CDH9: variants seen among roughly 807,000 people sequenced by gnomAD.
CDH9 encodes the protein cadherin 9, also known as cadherin-9.
CDH9 carries 28 observed loss-of-function variants against 70.9 expected under a neutral mutation model. The observed-to-expected ratio is 0.40, with a 90% CI of 0.29 to 0.54. The LOEUF (loss-of-function observed/expected upper bound fraction) is 0.54. Ranked by LOEUF, CDH9 falls within the 20% of genes least tolerant of loss-of-function variation. CDH9 has a pLI of 0.59. For missense variants in CDH9, 874 were observed against 984.4 expected (o/e 0.89, Z 1.50); for synonymous variants, 409 against 343.1 (o/e 1.19, Z -2.12).
chr5:27,029,306 T>A (rs1017742261), intron 1 of CDH9, among the ~76,000 whole-genome samples: 3 of 152,062 alleles, frequency 2.0e-5, no homozygotes, highest in South Asian at 2.1e-4. Context: ...TAGGATATGA[T>A]CTATAAAATA....
intron 6 of CDH9, chr5:26,903,387 T>C (rs1038175066): frequency 1.7e-5 from 10 of 588,848 alleles, no homozygotes; most frequent in East Asian, 1.6e-4. Flanking sequence ...ACAAAACAAG[T>C]ACCTTGAAGT....
At chr5:26,989,761 G>A (rs1372634383) in intron 1 of CDH9, among the ~76,000 whole-genome samples, 1 of 151,998 alleles carries the variant, frequency 6.6e-6, no homozygotes, top group Non-Finnish European at 1.5e-5. Flanking sequence ...TTCAGTAATG[G>A]GAATAACAAG....
At chr5:26,991,667 A>C (rs1254151923) in intron 1 of CDH9, among the ~76,000 whole-genome samples, 3 of 152,186 alleles carry the variant, frequency 2.0e-5, no homozygotes, top group South Asian at 2.1e-4. Context: ...TCTAATTCAC[A>C]TATGTAGATA....
At chr5:26,902,069 T>A (rs968102413) in intron 7 of CDH9, among the ~76,000 whole-genome samples, 1 of 151,840 alleles carries the variant, frequency 6.6e-6, no homozygotes, top group African/African-American at 2.4e-5. Context: ...AGAGGGACAA[T>A]GAGACAAGGA....
chr5:26,954,324 T>G (rs1741901583), intron 2 of CDH9, among the ~76,000 whole-genome samples: 1 of 151,704 alleles, frequency 6.6e-6, no homozygotes, highest in Admixed American at 6.6e-5. Flanking sequence ...GATTGTCAAT[T>G]TTAATATTAA....
chr5:27,004,831 T>C (rs1742832565), intron 1 of CDH9, among the ~76,000 whole-genome samples: 1 of 152,168 alleles, frequency 6.6e-6, no homozygotes, highest in Admixed American at 6.6e-5. Context: ...AACATGCATT[T>C]GGATAATGGA....
At chr5:26,904,077 T>C (rs556074955) in intron 5 of CDH9, among the ~76,000 whole-genome samples, 1 of 151,952 alleles carries the variant, frequency 6.6e-6, no homozygotes, top group Non-Finnish European at 1.5e-5. Flanking sequence ...ATTTAGACTA[T>C]AGATGGTAGG....
In CDH9 at chr5:26,977,301, A is replaced by C. The variant is rs1742317211; in HGVS notation, c.228+10805T>G. Among the ~76,000 whole-genome samples the C allele has an allele frequency of 2.0e-5, 3 of 151,958 alleles. 1 individual carries two copies. In the South Asian group the frequency reaches 6.2e-4, roughly 31 times the overall value. ...CTTTGAAAGTCACAGTGATCTTCTA[A>C]AGGAGGACTACAGTTGGGGAGCTTA... is the stretch of plus-strand genomic sequence containing the variant. On this transcript the variant is annotated intron_variant, in intron 2 of 11. Transcript: ENST00000231021.
chr5:26,908,837 A>G (rs1252945243), intron 3 of CDH9, among the ~76,000 whole-genome samples: 1 of 152,194 alleles, frequency 6.6e-6, no homozygotes, highest in African/African-American at 2.4e-5. Flanking sequence ...CTGACAAAAT[A>G]TCATTGATAT....
chr5:26,881,034 T>G lies in CDH9; in HGVS notation c.*102A>C. 1 of 1,136,972 alleles carries G rather than the reference T, an allele frequency of 8.8e-7. No homozygotes were observed. The highest frequency in any genetic ancestry group is 1.2e-6 in the Non-Finnish European group (1 of 800,478). The allele number at this position is 1,136,972 out of a possible 1,614,324, so 70.4% of individuals were successfully genotyped here. ...ACAACATCTACGTATTGTTTGTAAC[T>G]TCAATTTTTGAAAGATTTCCTCCCA... On this transcript the variant is annotated 3_prime_UTR_variant, in exon 12 of 12. Coordinates refer to ENST00000231021, the MANE Select transcript of CDH9 (RefSeq NM_016279.4).
In CDH9 at chr5:26,903,734, G is replaced by C; in HGVS notation, c.902C>G (p.Ala301Gly). 1 of 1,606,050 alleles carries C rather than the reference G, an allele frequency of 6.2e-7. No homozygotes were observed. Among genetic ancestry groups the C allele is most frequent in the Non-Finnish European group, 8.5e-7 (1 of 1,174,480 alleles). Residue 301 changes from alanine to glycine, a missense_variant, in exon 6 of 12, where the codon GCA becomes GGA. Ala to Gly is a moderately conservative substitution (Grantham distance 60). Coordinates refer to ENST00000231021, the MANE Select transcript of CDH9 (RefSeq NM_016279.4). ...KANDPDVGEN[A>G]EMEYSIAEGD... ...TTCAGCAATGCTATACTCCATTTCTGCATTTTCCCCCACGTCAGGGTCATT... is the reference window on the plus strand; with the variant it reads ...TTCAGCAATGCTATACTCCATTTCTCCATTTTCCCCCACGTCAGGGTCATT...
chr5:26,883,041 TTATATATATATATATATATATATA>T lies in CDH9; in HGVS notation c.1883-1442_1883-1419del, dbSNP rs59145200. ...AAGCTGAGCTATATTCAGGATCATCTTATATATATATATATATATATATATATATATATATATATATATATATAT... is the reference window on the plus strand; with the variant it reads ...AAGCTGAGCTATATTCAGGATCATCTTATATATATATATATATATATATAT... On this transcript the variant is annotated intron_variant, in intron 11 of 11. Coordinates refer to ENST00000231021, the MANE Select transcript of CDH9 (RefSeq NM_016279.4). Among the ~76,000 whole-genome samples, 183 of 58,028 alleles carry T rather than the reference TTATATATATATATATATATATATA, an allele frequency of 3.2e-3. 11 individuals carry two copies. The highest frequency in any genetic ancestry group is 0.01 in the African/African-American group (158 of 15,242). 38.1% of individuals were successfully genotyped at this position (58,028 alleles called of 152,430 possible).
intron 2 of CDH9, among the ~76,000 whole-genome samples, chr5:26,932,419 CA>C (rs1405579802): frequency 8.1e-6 from 1 of 124,078 alleles, no homozygotes; most frequent in Non-Finnish European, 1.7e-5. Context: ...GAAAAAAAAA[CA>C]AAATATTTGT....
chr5:27,010,136 A>G (rs1309955930), intron 1 of CDH9, among the ~76,000 whole-genome samples: 14 of 152,110 alleles, frequency 9.2e-5, no homozygotes, highest in Admixed American at 9.2e-4. Context: ...ATTGTTAACT[A>G]TAAGGACAAT....
intron 7 of CDH9, among the ~76,000 whole-genome samples, chr5:26,902,048 G>T (rs1335241555): frequency 6.6e-6 from 1 of 151,662 alleles, no homozygotes; most frequent in Non-Finnish European, 1.5e-5. Flanking sequence ...ATTTGAACTT[G>T]TATTTAACCA....
chr5:26,995,837 A>T (rs544106179), intron 1 of CDH9, among the ~76,000 whole-genome samples: 1 of 152,192 alleles, frequency 6.6e-6, no homozygotes, highest in African/African-American at 2.4e-5. Flanking sequence ...GATGTACTAT[A>T]AAGTACAATG....
chr5:26,919,199 G>A (rs1386708597), intron 2 of CDH9, among the ~76,000 whole-genome samples: 1 of 152,124 alleles, frequency 6.6e-6, no homozygotes, highest in Non-Finnish European at 1.5e-5. Flanking sequence ...GAATTGGCTG[G>A]ACCACTCTTC....
At chr5:26,909,526 C>A (rs1741010740) in intron 3 of CDH9, among the ~76,000 whole-genome samples, 1 of 148,578 alleles carries the variant, frequency 6.7e-6, no homozygotes, top group African/African-American at 2.5e-5. Flanking sequence ...ATTTTGAGAC[C>A]ATTTTTTTTC....
At chr5:27,027,520 C>A (rs1157110856) in intron 1 of CDH9, among the ~76,000 whole-genome samples, 1 of 151,910 alleles carries the variant, frequency 6.6e-6, no homozygotes, top group Non-Finnish European at 1.5e-5. Flanking sequence ...GTAGTTACTG[C>A]TAATATCTTA....
Sources: gnomAD v4.1 joint callset for allele counts (sites outside exome capture counted in the v4.1 genomes callset) on GRCh38, gnomAD v4.1.1 for gene constraint, MANE v1.5 for transcripts, NCBI Gene and HGNC (gene_info 2026-07-23, HGNC 2026-07-21) for gene names.